Variants in SLC5A4 observed in about 807,000 individuals in gnomAD.
The protein encoded by SLC5A4 is probable glucose sensor protein SLC5A4.
A neutral mutation model predicts 70.3 loss-of-function variants in SLC5A4; 55 were observed. That is an observed-to-expected ratio of 0.78 (90% confidence interval 0.63 to 0.98). SLC5A4 has a LOEUF of 0.98. Ranked by LOEUF, SLC5A4 falls within the 50% of genes least tolerant of loss-of-function variation. SLC5A4 has a pLI of 0.00. For synonymous variants in SLC5A4, 268 were observed against 305.7 expected (o/e 0.88, Z 1.29); for missense variants, 735 against 839.2 (o/e 0.88, Z 1.53).
chr22:32,257,531 T>G (rs1007178452), upstream of SLC5A4, among the ~76,000 whole-genome samples: 3 of 152,148 alleles, frequency 2.0e-5, no homozygotes, highest in African/African-American at 7.2e-5. Flanking sequence ...AACTTCATTT[T>G]TTTAGAGGTG....
At chr22:32,261,593 T>C in the SLC5A4 span, among the ~76,000 whole-genome samples, 2 of 152,174 alleles carry the variant, frequency 1.3e-5, no homozygotes, top group Non-Finnish European at 2.9e-5. Flanking sequence ...ACAGATAAGG[T>C]TGGCATACCC....
intron 5 of SLC5A4, among the ~76,000 whole-genome samples, chr22:32,239,917 G>C (rs183189092): frequency 1.3e-5 from 2 of 149,662 alleles, no homozygotes; most frequent in South Asian, 4.2e-4. Flanking sequence ...CCAGCTACTC[G>C]GGAGGCTGAG....
At chr22:32,223,287 T>G (rs1028253467) in intron 13 of SLC5A4, among the ~76,000 whole-genome samples, 4 of 152,184 alleles carry the variant, frequency 2.6e-5, no homozygotes, top group African/African-American at 9.7e-5. Flanking sequence ...GAACAAGTAT[T>G]TATACACAGT....
the SLC5A4 span, among the ~76,000 whole-genome samples, chr22:32,352,408 A>T: frequency 9.1e-3 from 1,040 of 114,284 alleles, 12 homozygotes; most frequent in Non-Finnish European, 0.012. Context: ...CCCAGAAATT[A>T]AAAAAAAAAA....
the SLC5A4 span, chr22:32,270,898 G>A: frequency 1.8e-6 from 1 of 570,062 alleles, no homozygotes. Context: ...TGATCACGCT[G>A]TGCCTGTACC....
intron 3 of SLC5A4, 87 bp downstream of exon 3, chr22:32,251,683 T>A (rs1927168814): frequency 9.4e-6 from 8 of 849,462 alleles, no homozygotes; most frequent in African/African-American, 1.7e-5. Context: ...TTATCCAGCC[T>A]GTGATATTCT....
chr22:32,294,163 C>T, the SLC5A4 span, among the ~76,000 whole-genome samples: 2 of 152,288 alleles, frequency 1.3e-5, no homozygotes, highest in Non-Finnish European at 1.5e-5. Flanking sequence ...CTCCTCCAAT[C>T]CCTTTCACAT....
the SLC5A4 span, among the ~76,000 whole-genome samples, chr22:32,273,831 CT>C: frequency 6.6e-6 from 1 of 152,092 alleles, no homozygotes; most frequent in Non-Finnish European, 1.5e-5. Context: ...ACTCCAAATA[CT>C]TTAAATGCTA....
the SLC5A4 span, among the ~76,000 whole-genome samples, chr22:32,322,175 G>A: frequency 2.0e-5 from 3 of 152,148 alleles, no homozygotes; most frequent in African/African-American, 2.4e-5. Flanking sequence ...TGGCTGACTC[G>A]ACCATGAGGC....
chr22:32,235,197 GCC>G, intron 7 of SLC5A4, 104 bp from the exon 8 acceptor site: 1 of 762,050 alleles, frequency 1.3e-6, no homozygotes, highest in Non-Finnish European at 2.2e-6. Flanking sequence ...CCTCCCATCA[GCC>G]CAGTCCAATC....
chr22:32,249,112 A>G (rs535689060), intron 3 of SLC5A4, among the ~76,000 whole-genome samples: 248 of 152,334 alleles, frequency 1.6e-3, no homozygotes, highest in Non-Finnish European at 2.3e-3. Context: ...TGCATAAATG[A>G]TAAATGGAGT....
chr22:32,293,813 A>G, the SLC5A4 span, among the ~76,000 whole-genome samples: 1 of 152,106 alleles, frequency 6.6e-6, no homozygotes, highest in African/African-American at 2.4e-5. Context: ...TTAGTTATAT[A>G]TTTTAAAAAT....
the SLC5A4 span, among the ~76,000 whole-genome samples, chr22:32,325,636 A>G: frequency 2.0e-5 from 3 of 152,206 alleles, no homozygotes; most frequent in Admixed American, 2.0e-4. Flanking sequence ...CCTAATTCTC[A>G]AACCGGCAAG....
the SLC5A4 span, among the ~76,000 whole-genome samples, chr22:32,316,368 G>A: frequency 1.3e-5 from 2 of 152,072 alleles, no homozygotes; most frequent in African/African-American, 4.8e-5. Context: ...AAAACATATT[G>A]AATGAGAAAA....
chr22:32,249,020 A>C (rs570932748), intron 3 of SLC5A4, among the ~76,000 whole-genome samples: 6 of 152,242 alleles, frequency 3.9e-5, no homozygotes, highest in Admixed American at 3.3e-4. Context: ...GTGGTGAAAA[A>C]GGGAAAGAAG....
intron 7 of SLC5A4, among the ~76,000 whole-genome samples, chr22:32,236,672 C>T (rs7292721): frequency 0.45 from 68,031 of 151,628 alleles, 15,994 homozygotes; most frequent in African/African-American, 0.56. Context: ...ACAAAGAAAT[C>T]AAGGTTAAAT....
At chr22:32,239,607 TATATGTATAATATATA>T (rs1926384728) in intron 5 of SLC5A4, among the ~76,000 whole-genome samples, 1 of 115,892 alleles carries the variant, frequency 8.6e-6, no homozygotes, top group Non-Finnish European at 1.7e-5. Context: ...TTATATAAAA[TATATGTATAATATATA>T]AAATATATAT....
the SLC5A4 span, among the ~76,000 whole-genome samples, chr22:32,278,831 TA>T: frequency 6.6e-6 from 1 of 151,970 alleles, no homozygotes; most frequent in Non-Finnish European, 1.5e-5. Context: ...ATGAAATGGA[TA>T]AAAAAAGAAG....
chr22:32,280,683 A>G, the SLC5A4 span, among the ~76,000 whole-genome samples: 1 of 152,222 alleles, frequency 6.6e-6, no homozygotes, highest in Non-Finnish European at 1.5e-5. Context: ...TCAACACATT[A>G]CAGGAATTCA....
Sources: allele counts gnomAD v4.1 joint callset (sites outside exome capture counted in the v4.1 genomes callset), GRCh38; gene constraint gnomAD v4.1.1; transcripts MANE v1.5; gene names NCBI Gene and HGNC (gene_info 2026-07-23, HGNC 2026-07-21).